Variants in RPS6KC1 observed in about 807,000 individuals in gnomAD.
RPS6KC1 encodes the protein ribosomal protein S6 kinase C1.
A neutral mutation model predicts 103.8 loss-of-function variants in RPS6KC1; 54 were observed. The observed-to-expected ratio is 0.52, with a 90% CI of 0.42 to 0.65. The LOEUF (loss-of-function observed/expected upper bound fraction) is 0.65. Ranked by LOEUF, RPS6KC1 falls within the 30% of genes least tolerant of loss-of-function variation. The probability of loss-of-function intolerance (pLI) is 0.00; values close to 1 mark genes in which losing one functional copy is unlikely to be tolerated. For synonymous variants in RPS6KC1, 439 were observed against 438.7 expected (o/e 1.00, Z -0.01); for missense variants, 1,151 against 1,253.8 (o/e 0.92, Z 1.24).
the RPS6KC1 span, among the ~76,000 whole-genome samples, chr1:213,485,595 A>G: frequency 9.2e-5 from 14 of 152,118 alleles, no homozygotes; most frequent in African/African-American, 3.1e-4. Context: ...TTGCTCAAGT[A>G]TTTGTTGAAA....
At chr1:213,306,651 G>T in the RPS6KC1 span, among the ~76,000 whole-genome samples, 1 of 152,212 alleles carries the variant, frequency 6.6e-6, no homozygotes, top group African/African-American at 2.4e-5. Flanking sequence ...TGGCAAGTAG[G>T]TTTCGATTTA....
chr1:213,069,590 G>C (rs2078682652), intron 1 of RPS6KC1, among the ~76,000 whole-genome samples: 1 of 152,136 alleles, frequency 6.6e-6, no homozygotes, highest in Admixed American at 6.5e-5. Context: ...ATAATCCCTA[G>C]TTCATGGTGT....
intron 2 of RPS6KC1, among the ~76,000 whole-genome samples, chr1:213,072,173 C>G (rs2148475276): frequency 6.6e-6 from 1 of 150,434 alleles, no homozygotes; most frequent in East Asian, 1.9e-4. Context: ...ATATGAATGT[C>G]TTTGGGTGGT....
intron 8 of RPS6KC1, among the ~76,000 whole-genome samples, chr1:213,207,800 AG>A (rs1336964349): frequency 3.3e-5 from 5 of 151,970 alleles, no homozygotes; most frequent in African/African-American, 1.2e-4. Context: ...CAGGCTCCCA[AG>A]TAGCTGGGAT....
At chr1:213,673,283 G>T in the RPS6KC1 span, among the ~76,000 whole-genome samples, 2 of 152,224 alleles carry the variant, frequency 1.3e-5, no homozygotes, top group African/African-American at 4.8e-5. Context: ...TAGTTAAGTT[G>T]TCTCTGGATA....
the RPS6KC1 span, among the ~76,000 whole-genome samples, chr1:213,313,907 G>A: frequency 6.6e-6 from 1 of 152,032 alleles, no homozygotes; most frequent in Non-Finnish European, 1.5e-5. Flanking sequence ...GAGCCGAGAT[G>A]GCGCCACTGC....
At chr1:213,734,446 A>G in the RPS6KC1 span, among the ~76,000 whole-genome samples, 3 of 59,048 alleles carry the variant, frequency 5.1e-5, no homozygotes, top group Admixed American at 3.2e-4. Flanking sequence ...CTCCCGCCAA[A>G]AAATTAGGGA....
the RPS6KC1 span, chr1:213,832,462 G>T: frequency 7.2e-5 from 11 of 152,092 alleles, no homozygotes; most frequent in African/African-American, 2.4e-4. Context: ...TGACTGGGGG[G>T]ATTTGATCCA....
intron 8 of RPS6KC1, among the ~76,000 whole-genome samples, chr1:213,184,689 T>C (rs2092445275): frequency 6.6e-6 from 1 of 152,194 alleles, no homozygotes; most frequent in Non-Finnish European, 1.5e-5. Flanking sequence ...TGGTATGTTG[T>C]ATTTCCATTT....
At chr1:213,363,593 C>CCTCGCTTG in the RPS6KC1 span, among the ~76,000 whole-genome samples, 2,908 of 104,448 alleles carry the variant, frequency 0.028, 412 homozygotes, top group Middle Eastern at 0.064. Flanking sequence ...ATTCTTTAGC[C>CCTCGCTTG]CTTGCTCGCT....
chr1:213,290,216 G>A, the RPS6KC1 span, among the ~76,000 whole-genome samples: 1 of 149,402 alleles, frequency 6.7e-6, no homozygotes, highest in Non-Finnish European at 1.5e-5. Flanking sequence ...AAAGGCAATA[G>A]CAGTGAAAGG....
At chr1:213,559,065 C>T in the RPS6KC1 span, among the ~76,000 whole-genome samples, 3 of 152,210 alleles carry the variant, frequency 2.0e-5, no homozygotes, top group Non-Finnish European at 4.4e-5. Flanking sequence ...AAGCCCTGGA[C>T]TTCTAGGAAG....
the RPS6KC1 span, among the ~76,000 whole-genome samples, chr1:213,545,392 AAATAAATAAATAAATAAAT>A: frequency 4.5e-5 from 4 of 88,960 alleles, no homozygotes; most frequent in Non-Finnish European, 7.2e-5. Flanking sequence ...ATAAATAAAT[AAATAAATAAATAAATAAAT>A]AAATAAAATA....
the RPS6KC1 span, among the ~76,000 whole-genome samples, chr1:213,535,025 C>T: frequency 6.6e-6 from 1 of 152,218 alleles, no homozygotes; most frequent in Non-Finnish European, 1.5e-5. Flanking sequence ...CCTACTGACA[C>T]TGCAAACTAC....
At chr1:213,744,306 A>G in the RPS6KC1 span, among the ~76,000 whole-genome samples, 2 of 152,004 alleles carry the variant, frequency 1.3e-5, no homozygotes, top group African/African-American at 4.8e-5. Context: ...TAATGATATA[A>G]AAAAAATAAA....
chr1:213,534,521 C>T, the RPS6KC1 span, among the ~76,000 whole-genome samples: 1 of 152,150 alleles, frequency 6.6e-6, no homozygotes, highest in African/African-American at 2.4e-5. Flanking sequence ...GCTGAGGTAA[C>T]CTGCATCCTT....
chr1:213,313,555 C>G, the RPS6KC1 span, among the ~76,000 whole-genome samples: 1 of 152,210 alleles, frequency 6.6e-6, no homozygotes, highest in Non-Finnish European at 1.5e-5. Context: ...GTTTCCTACA[C>G]AGCTGTTTTG....
the RPS6KC1 span, among the ~76,000 whole-genome samples, chr1:213,809,836 G>A: frequency 1.3e-4 from 20 of 152,228 alleles, no homozygotes; most frequent in East Asian, 9.7e-4. Context: ...TCACCCTATC[G>A]CATTCTCTGG....
At chr1:213,662,871 T>G in the RPS6KC1 span, among the ~76,000 whole-genome samples, 16 of 152,232 alleles carry the variant, frequency 1.1e-4, no homozygotes, top group African/African-American at 3.9e-4. Flanking sequence ...ATTCCTTCGT[T>G]TGGTCACTTA....
Sources: gnomAD v4.1 joint callset for allele counts (sites outside exome capture counted in the v4.1 genomes callset) on GRCh38, gnomAD v4.1.1 for gene constraint, MANE v1.5 for transcripts, NCBI Gene and HGNC (gene_info 2026-07-23, HGNC 2026-07-21) for gene names.